Variants in RAB3IL1 observed in about 807,000 individuals in gnomAD.
RAB3IL1 encodes guanine nucleotide exchange factor for Rab-3A.
In RAB3IL1, 37 loss-of-function variants were observed where a neutral mutation model predicts 49.2. The ratio of observed to expected loss-of-function variants is 0.75; its 90% CI spans 0.58 to 0.99. The LOEUF (loss-of-function observed/expected upper bound fraction) is 0.99, where lower values mean the gene tolerates loss of function less well. Ranked by LOEUF, RAB3IL1 falls within the 50% of genes least tolerant of loss-of-function variation. RAB3IL1 has a pLI of 0.00. For missense variants in RAB3IL1, 484 were observed against 513.0 expected (o/e 0.94, Z 0.55); for synonymous variants, 193 against 213.9 (o/e 0.90, Z 0.85).
the RAB3IL1 span, among the ~76,000 whole-genome samples, chr11:61,930,991 T>C: frequency 4.6e-5 from 7 of 152,334 alleles, no homozygotes; most frequent in African/African-American, 7.2e-5. Context: ...TCTATCATTA[T>C]GGTGTGAGAT....
At chr11:61,926,610 G>A in the RAB3IL1 span, among the ~76,000 whole-genome samples, 1 of 152,134 alleles carries the variant, frequency 6.6e-6, no homozygotes, top group African/African-American at 2.4e-5. Flanking sequence ...CTGGAGTGTA[G>A]TGCCGCCATC....
Position 61,897,915 on chromosome 11 carries a change from G to T in RAB3IL1, c.*363C>A, listed in dbSNP as rs1938696737. 1 of 230,822 alleles carries T rather than the reference G, an allele frequency of 4.3e-6. No individual in the cohort carries two copies. Among genetic ancestry groups the T allele is most frequent in the Non-Finnish European group, 8.7e-6 (1 of 115,512 alleles). 14.3% of individuals were successfully genotyped at this position (230,822 alleles called of 1,614,324 possible). A position where few individuals can be genotyped will look rare whatever the true frequency, so the allele number is the denominator to read the frequency against. On this transcript the variant is annotated 3_prime_UTR_variant, in exon 10 of 10. Coordinates refer to ENST00000394836, the MANE Select transcript of RAB3IL1 (RefSeq NM_013401.4). ...TTTCTGAAGACAAGCCAGCAACAAG[G>T]CACCTGCAGGCAGTTCTGGGGACTG...
chr11:61,919,204 G>A (rs2134370880), upstream of RAB3IL1, among the ~76,000 whole-genome samples: 1 of 152,336 alleles, frequency 6.6e-6, no homozygotes, highest in South Asian at 2.1e-4. Flanking sequence ...GGAGATAAAG[G>A]GTGGAGGAGG....
intron 1 of RAB3IL1, among the ~76,000 whole-genome samples, chr11:61,916,986 C>T (rs1380095399): frequency 6.8e-6 from 1 of 148,054 alleles, no homozygotes; most frequent in African/African-American, 2.5e-5. Flanking sequence ...GTTCATCCAG[C>T]GAAGGGGTTG....
Position 61,906,024 on chromosome 11 carries a change from C to T in RAB3IL1, c.657+442G>A, listed in dbSNP as rs965816599. On this transcript the variant is annotated intron_variant, in intron 5 of 9. Transcript: ENST00000394836. This position sits in a 1 kb window ranked among gnomAD's most constrained non-coding sequence, Gnocchi z 4.6. ...CCACAGTCAGAGGGTGCCAGAAACC[C>T]CTTGAGCACAGGGCTGTCACCAGGT... Among the ~76,000 whole-genome samples the T allele has an allele frequency of 6.6e-6, 1 of 152,304 alleles. No individual in the cohort carries two copies. Among genetic ancestry groups the T allele is most frequent in the South Asian group, 2.1e-4 (1 of 4,822 alleles).
At chr11:61,922,738 C>A (rs1208748974), upstream of RAB3IL1, among the ~76,000 whole-genome samples, 1 of 152,152 alleles carries the variant, frequency 6.6e-6, no homozygotes, top group Non-Finnish European at 1.5e-5. Flanking sequence ...ACAGTATCTC[C>A]CACTTGGGCT....
Position 61,898,489 on chromosome 11 carries a change from C to G in RAB3IL1, c.1067-129G>C, listed in dbSNP as rs1367618600. Reference sequence around the variant, plus strand: ...ACCCTAGGGTCCCCGGCCCCCAAAACAGATGACCTCAGTGAGTGGCTGGAC... The same window carrying G: ...ACCCTAGGGTCCCCGGCCCCCAAAAGAGATGACCTCAGTGAGTGGCTGGAC... On this transcript the variant is annotated intron_variant, in intron 9 of 9. Transcript: ENST00000394836. The surrounding 1 kb of genome is among the most constrained non-coding windows in gnomAD (Gnocchi z 5.1). 2.7e-6 allele frequency: 2 copies of G among 727,398 alleles called. No individual in the cohort carries two copies. The highest frequency in any genetic ancestry group is 3.2e-5 in the South Asian group (2 of 62,662). The allele number at this position is 727,398 out of a possible 1,614,324, so 45.1% of individuals were successfully genotyped here. A position where few individuals can be genotyped will look rare whatever the true frequency, so the allele number is the denominator to read the frequency against.
Position 61,906,237 on chromosome 11 carries a change from A to C in RAB3IL1, c.657+229T>G, listed in dbSNP as rs1207984089. On this transcript the variant is annotated intron_variant, in intron 5 of 9. Transcript: ENST00000394836. The surrounding 1 kb of genome is among the most constrained non-coding windows in gnomAD (Gnocchi z 4.6). ...ACTGCTTGGAGTCAGTGGGGCAGGG[A>C]GGGGGCCTCAGGTCCCCAGATGGTA... is the stretch of plus-strand genomic sequence containing the variant. Among the ~76,000 whole-genome samples the C allele has an allele frequency of 6.6e-6, 1 of 152,038 alleles. No homozygotes were observed. The highest frequency in any genetic ancestry group is 1.5e-5 in the Non-Finnish European group (1 of 67,980).
At chr11:61,934,450 G>GTGTATGTATATATATA in the RAB3IL1 span, among the ~76,000 whole-genome samples, 6 of 31,610 alleles carry the variant, frequency 1.9e-4, no homozygotes, top group African/African-American at 5.5e-4. Context: ...GTGTGTGTAT[G>GTGTATGTATATATATA]TATATATATA....
At chr11:61,909,502 C>G (rs1405194102) in intron 1 of RAB3IL1, among the ~76,000 whole-genome samples, 1 of 152,238 alleles carries the variant, frequency 6.6e-6, no homozygotes, top group Non-Finnish European at 1.5e-5. Context: ...CCCGGTCCAG[C>G]TGCCCAGCCC....
At chr11:61,909,268 G>A (rs561215044) in intron 1 of RAB3IL1, among the ~76,000 whole-genome samples, 1 of 152,178 alleles carries the variant, frequency 6.6e-6, no homozygotes, top group African/African-American at 2.4e-5. Context: ...TGCACCAGAG[G>A]GGGAAGGCAA....
At chr11:61,927,850 C>T in the RAB3IL1 span, among the ~76,000 whole-genome samples, 5 of 152,142 alleles carry the variant, frequency 3.3e-5, no homozygotes, top group African/African-American at 1.2e-4. Flanking sequence ...TTCCTGAGGC[C>T]TCCCCAGCCA....
intron 1 of RAB3IL1, among the ~76,000 whole-genome samples, chr11:61,916,056 A>G (rs1457304907): frequency 2.7e-5 from 4 of 146,548 alleles, no homozygotes; most frequent in Non-Finnish European, 4.5e-5. Flanking sequence ...AAGAGTCTCA[A>G]GTCTTAGGGC....
At chr11:61,913,110 G>A (rs2136058160) in intron 1 of RAB3IL1, among the ~76,000 whole-genome samples, 1 of 152,262 alleles carries the variant, frequency 6.6e-6, no homozygotes, top group East Asian at 1.9e-4. Flanking sequence ...AGGATGGGGT[G>A]ACGCTGTCGA....
At chr11:61,908,025 AG>A (rs1939285761) in intron 2 of RAB3IL1, 28 bp downstream of exon 2, 2 of 1,580,058 alleles carry the variant, frequency 1.3e-6, no homozygotes, top group African/African-American at 2.7e-5. Context: ...TCCCCACCGA[AG>A]ACCCCCCAGC....
intron 7 of RAB3IL1, 29 bp downstream of exon 7, chr11:61,904,517 G>A: frequency 3.2e-6 from 5 of 1,568,406 alleles, no homozygotes; most frequent in Non-Finnish European, 4.3e-6. Context: ...TCCCACATGG[G>A]CAGGAAGGAG....
At position 61,904,838 on chromosome 11, in the gene RAB3IL1, G is replaced by A. The variant is rs771874997; in HGVS notation, c.702C>T (p.Ser234=). 21 of 1,610,298 alleles carry A rather than the reference G, an allele frequency of 1.3e-5. No homozygotes were observed. The highest frequency in any genetic ancestry group is 1.8e-5 in the Non-Finnish European group (21 of 1,178,088). The stretch of plus-strand genomic sequence containing the variant: ...AGGGGCAGGTCTTGTCCAGGGTGGG[G>A]GATTCCCTCCAGGCCTGGAACTCTG... ...LFAEFQAWRE[S]PTLDKTCPFL... The change falls in exon 6 of 10, where the codon TCC becomes TCT. Residue 234 remains serine (S), a synonymous_variant. Coordinates refer to ENST00000394836, the MANE Select transcript of RAB3IL1 (RefSeq NM_013401.4).
At position 61,907,429 on chromosome 11, in the gene RAB3IL1, C is replaced by A. The variant is rs752747826; in HGVS notation, c.402G>T (p.Ala134=). The change falls in exon 4 of 10, where the codon GCG becomes GCT. Residue 134 remains alanine (A), a synonymous_variant. Transcript: ENST00000394836. ...KMVREANMKQ[A]ASEKQLKEAR... is the part of the protein sequence containing the mutation. ...CCTCCTTCAGCTGCTTTTCTGATGC[C>A]GCCTGCTTCATGTTGGCTTCTCGAA... 1 of 1,614,056 alleles carries A rather than the reference C, an allele frequency of 6.2e-7. No homozygotes were observed. Among genetic ancestry groups the A allele is most frequent in the South Asian group, 1.1e-5 (1 of 91,078 alleles).
chr11:61,909,743 G>T (rs939565034), intron 1 of RAB3IL1, among the ~76,000 whole-genome samples: 2 of 152,248 alleles, frequency 1.3e-5, no homozygotes, highest in African/African-American at 2.4e-5. Context: ...CTGGGCTGGG[G>T]TCTGTGCCCT....
Sources: gnomAD v4.1 joint callset for allele counts (sites outside exome capture counted in the v4.1 genomes callset) on GRCh38, gnomAD v4.1.1 for gene constraint, Gnocchi (gnomAD v3.1) non-coding constraint, MANE v1.5 for transcripts, NCBI Gene and HGNC (gene_info 2026-07-23, HGNC 2026-07-21) for gene names.